The following PRKD1 variants were observed in gnomAD, a reference collection of about 807,000 sequenced individuals.
The protein encoded by PRKD1 is serine/threonine-protein kinase D1.
In PRKD1, 63 loss-of-function variants were observed where a neutral mutation model predicts 95.9. The ratio of observed to expected loss-of-function variants is 0.66; its 90% CI spans 0.54 to 0.81. PRKD1 has a LOEUF of 0.81. Ranked by LOEUF, PRKD1 falls within the 30% of genes least tolerant of loss-of-function variation. The pLI is 0.00. For synonymous variants in PRKD1, 425 were observed against 423.1 expected (o/e 1.00, Z -0.05); for missense variants, 1,048 against 1,165.3 (o/e 0.90, Z 1.47).
chr14:29,840,995 T>C (rs187720421), intron 1 of PRKD1, among the ~76,000 whole-genome samples: 1 of 152,218 alleles, frequency 6.6e-6, no homozygotes, highest in Non-Finnish European at 1.5e-5. Context: ...ATGTGAGACA[T>C]GGAGTCAAAG....
At chr14:29,598,684 A>G (rs1414157417) in intron 15 of PRKD1, among the ~76,000 whole-genome samples, 1 of 152,206 alleles carries the variant, frequency 6.6e-6, no homozygotes, top group Non-Finnish European at 1.5e-5. Context: ...GGAAAGGAAA[A>G]AAGTTTTGCC....
intron 2 of PRKD1, among the ~76,000 whole-genome samples, chr14:29,677,906 T>C (rs1215222361): frequency 6.6e-6 from 1 of 152,180 alleles, no homozygotes; most frequent in African/African-American, 2.4e-5. Context: ...GTGCCTTACA[T>C]TGTATAGTTA....
intron 2 of PRKD1, among the ~76,000 whole-genome samples, chr14:29,695,658 G>A (rs1327195987): frequency 6.6e-6 from 1 of 152,238 alleles, no homozygotes; most frequent in African/African-American, 2.4e-5. Flanking sequence ...CCTTTGCAAA[G>A]CTTCCTAGAC....
intron 13 of PRKD1, among the ~76,000 whole-genome samples, chr14:29,600,318 A>C (rs2139016294): frequency 6.6e-6 from 1 of 152,240 alleles, no homozygotes. Flanking sequence ...TTTTGACAGA[A>C]ACTCTTATAC....
At chr14:29,903,539 T>C (rs1392967400) in intron 1 of PRKD1, among the ~76,000 whole-genome samples, 1 of 152,150 alleles carries the variant, frequency 6.6e-6, no homozygotes, top group Non-Finnish European at 1.5e-5. Flanking sequence ...CTGTAAAAGG[T>C]AGTCTTCCAG....
chr14:29,925,115 A>G (rs1409202564), intron 1 of PRKD1, among the ~76,000 whole-genome samples: 1 of 152,168 alleles, frequency 6.6e-6, no homozygotes, highest in East Asian at 1.9e-4. Context: ...CAAACTTTTC[A>G]AACTTCTTTG....
chr14:29,680,874 T>C (rs1194165011), intron 2 of PRKD1, among the ~76,000 whole-genome samples: 1 of 152,082 alleles, frequency 6.6e-6, no homozygotes, highest in African/African-American at 2.4e-5. Context: ...GAGGAATTGA[T>C]TGTAAGATGT....
intron 2 of PRKD1, among the ~76,000 whole-genome samples, chr14:29,675,721 A>G (rs1381602035): frequency 6.6e-6 from 1 of 152,110 alleles, no homozygotes; most frequent in African/African-American, 2.4e-5. Flanking sequence ...AAAGACTTGG[A>G]ACGAACCCAA....
chr14:29,590,012 G>A (rs547949637), intron 16 of PRKD1, among the ~76,000 whole-genome samples: 2 of 152,102 alleles, frequency 1.3e-5, no homozygotes, highest in East Asian at 3.9e-4. Context: ...AATCAGTGCT[G>A]GTCTGAATTG....
intron 1 of PRKD1, among the ~76,000 whole-genome samples, chr14:29,914,658 G>A (rs964096637): frequency 2.6e-5 from 4 of 152,242 alleles, no homozygotes; most frequent in East Asian, 3.9e-4. Context: ...TGCTTGAACC[G>A]GCAGGTGGAG....
Position 29,630,985 on chromosome 14 carries a change from C to G in PRKD1, c.1429G>C (p.Val477Leu). 1 of 1,612,884 alleles carries G rather than the reference C, an allele frequency of 6.2e-7. No individual in the cohort carries two copies. The highest frequency in any genetic ancestry group is 8.5e-7 in the Non-Finnish European group (1 of 1,179,138). The part of the protein sequence containing the change: ...PLSEILSLEP[V>L]KTSALIPNGA... ...TTAGGAATTAAAGCTGAAGTTTTTA[C>G]TGGTTCCAGAGACAAAATTTCAGAT... is the stretch of plus-strand genomic sequence containing the variant. The change falls in exon 10 of 18, where the codon GTA becomes CTA. Residue 477 changes from valine to leucine, a missense_variant. Val to Leu is a conservative substitution (Grantham distance 32). Around this residue, in one of 3 missense-constraint regions of PRKD1, gnomAD observed 739 missense variants for 861.9 expected, o/e 0.86. Transcript: ENST00000331968.
chr14:29,656,099 G>A (rs1236948225), intron 4 of PRKD1, among the ~76,000 whole-genome samples: 2 of 152,010 alleles, frequency 1.3e-5, no homozygotes, highest in African/African-American at 4.8e-5. Flanking sequence ...ATTTAACATA[G>A]CATCACATAA....
At chr14:29,859,243 G>A (rs377127542) in intron 1 of PRKD1, among the ~76,000 whole-genome samples, 4 of 152,046 alleles carry the variant, frequency 2.6e-5, no homozygotes, top group Non-Finnish European at 2.9e-5. Flanking sequence ...AGGCCGAGGC[G>A]GGTGGATCAC....
chr14:29,666,583 A>G (rs1355296182), intron 2 of PRKD1, among the ~76,000 whole-genome samples: 2 of 152,162 alleles, frequency 1.3e-5, no homozygotes, highest in Admixed American at 6.6e-5. Flanking sequence ...GTATTCAAAA[A>G]TATTAATGAA....
At chr14:29,741,401 T>C (rs1886974344) in intron 1 of PRKD1, among the ~76,000 whole-genome samples, 1 of 152,242 alleles carries the variant, frequency 6.6e-6, no homozygotes, top group East Asian at 1.9e-4. Context: ...TACTTGCATA[T>C]ATACTTATAC....
chr14:29,673,874 T>G (rs529001874), intron 2 of PRKD1, among the ~76,000 whole-genome samples: 1 of 152,284 alleles, frequency 6.6e-6, no homozygotes, highest in South Asian at 2.1e-4. Context: ...ATAAAATGCA[T>G]GGACTGAGTG....
chr14:29,707,250 A>G (rs532078662), intron 2 of PRKD1, among the ~76,000 whole-genome samples: 68 of 152,328 alleles, frequency 4.5e-4, no homozygotes, highest in African/African-American at 1.5e-3. Context: ...TACACAATAG[A>G]AAAGAATGAA....
At chr14:29,688,948 CAA>C (rs377212196) in intron 2 of PRKD1, among the ~76,000 whole-genome samples, 448 of 32,412 alleles carry the variant, frequency 0.014, 1 homozygote, top group African/African-American at 0.038. Context: ...GACTCCGTCT[CAA>C]AAAAAAAAAA....
At chr14:29,804,799 G>A (rs533730950) in intron 1 of PRKD1, among the ~76,000 whole-genome samples, 1 of 151,998 alleles carries the variant, frequency 6.6e-6, no homozygotes, top group African/African-American at 2.4e-5. Flanking sequence ...GATCAATGAG[G>A]TGTTTTTTTT....
Sources: allele counts gnomAD v4.1 joint callset (sites outside exome capture counted in the v4.1 genomes callset), GRCh38; gene constraint gnomAD v4.1.1; regional missense constraint gnomAD v4.1.1; transcripts MANE v1.5; gene names NCBI Gene and HGNC (gene_info 2026-07-23, HGNC 2026-07-21).